Variants in USP31 observed in about 807,000 individuals in gnomAD.
USP31 encodes the protein ubiquitin carboxyl-terminal hydrolase 31.
Under a neutral mutation model 119.4 loss-of-function variants are expected in USP31, and 44 were observed. The observed-to-expected ratio is 0.37, with a 90% CI of 0.29 to 0.47. USP31 has a LOEUF of 0.47. USP31 is among the 20% of genes least tolerant of loss of function. The pLI, the probability that USP31 is intolerant of heterozygous loss-of-function variation, is 0.99. For missense variants in USP31, 1,643 were observed against 1,730.2 expected (o/e 0.95, Z 0.89); for synonymous variants, 749 against 705.6 (o/e 1.06, Z -0.97).
At chr16:23,141,531 C>T (rs1903352071) in intron 1 of USP31, among the ~76,000 whole-genome samples, 1 of 152,096 alleles carries the variant, frequency 6.6e-6, no homozygotes, top group African/African-American at 2.4e-5. Context: ...GTGTGTGCCA[C>T]CACGCCCGGC....
rs751549806 is a variant in USP31, at chr16:23,149,136, C to T, written c.135G>A (p.Gly45=). Residue 45 remains glycine, a synonymous_variant, in exon 1 of 16, where the codon GGG becomes GGA. Coordinates refer to ENST00000219689, the MANE Select transcript of USP31 (RefSeq NM_020718.4). ...GGGAGGPGAS[G]PAAPSSPSSP... is the part of the protein sequence containing the mutation. The stretch of plus-strand genomic sequence containing the variant: ...AGGAGGGCGAGGAAGGCGCGGCCGG[C>T]CCGGACGCCCCGGGGCCCCCCGCGC... 54 of 1,241,492 alleles carry T rather than the reference C, an allele frequency of 4.3e-5. No individual in the cohort carries two copies. The highest frequency in any genetic ancestry group is 5.1e-5 in the Non-Finnish European group (50 of 971,388). 76.9% of individuals were successfully genotyped at this position (1,241,492 alleles called of 1,614,324 possible).
At chr16:23,086,960 T>C (rs2141847952) in intron 9 of USP31, 132 bp downstream of exon 9, 1 of 633,314 alleles carries the variant, frequency 1.6e-6, no homozygotes. Flanking sequence ...AAAAGTAAAA[T>C]AAGTACTTAA....
intron 13 of USP31, 127 bp from the exon 14 acceptor site, chr16:23,074,007 C>A: frequency 1.6e-6 from 2 of 1,256,372 alleles, no homozygotes; most frequent in East Asian, 2.5e-5. Context: ...TATAGCAACA[C>A]AGAAAGAGAT....
chr16:23,101,706 G>T (rs138403146), intron 6 of USP31, among the ~76,000 whole-genome samples: 2 of 152,208 alleles, frequency 1.3e-5, no homozygotes, highest in Non-Finnish European at 2.9e-5. Flanking sequence ...GAGGAACCCT[G>T]AAGAATGCTG....
Position 23,072,368 on chromosome 16 carries a change from C to A in USP31, c.2336-171G>T, listed in dbSNP as rs112771567. The A allele has an allele frequency of 2.4e-3, 2,003 of 843,460 alleles. 31 individuals are homozygous for A. The African/African-American group carries it at 0.027, about 11-fold the overall frequency. The allele number at this position is 843,460 out of a possible 1,614,324, so 52.2% of individuals were successfully genotyped here. Reference sequence around the variant, plus strand: ...TGTCATGTCGTGCCTGTCCGAATATCCCCAGTTAAGATGAAAAGATGTAAG... The same window carrying A: ...TGTCATGTCGTGCCTGTCCGAATATACCCAGTTAAGATGAAAAGATGTAAG... On this transcript the variant is annotated intron_variant, in intron 14 of 15. Transcript: ENST00000219689.
chr16:23,068,446 T>C lies in USP31; in HGVS notation c.3659A>G (p.Lys1220Arg). 6.2e-7 allele frequency: 1 copy of C among 1,613,762 alleles called. No homozygotes were observed. Among genetic ancestry groups the C allele is most frequent in the South Asian group, 1.1e-5 (1 of 91,078 alleles). Residue 1220 changes from lysine (K) to arginine (R), a missense_variant, in exon 16 of 16, where the codon AAG becomes AGG. Transcript: ENST00000219689. Reference protein sequence around the residue: ...SIKSGLKRDSKSEDKGLSFFK... With the variant: ...SIKSGLKRDSRSEDKGLSFFK... Reference sequence around the variant, plus strand: ...GAAGGACAGCCCCTTGTCCTCAGACTTGCTGTCCCTCTTCAAACCAGACTT... The same window carrying C: ...GAAGGACAGCCCCTTGTCCTCAGACCTGCTGTCCCTCTTCAAACCAGACTT...
intron 5 of USP31, among the ~76,000 whole-genome samples, chr16:23,104,173 G>A (rs1045558394): frequency 1.3e-5 from 2 of 152,286 alleles, no homozygotes; most frequent in Admixed American, 1.3e-4. Flanking sequence ...CCCTCTACCA[G>A]CACTAACATT....
At chr16:23,098,502 C>A (rs377064847) in intron 6 of USP31, among the ~76,000 whole-genome samples, 1 of 151,690 alleles carries the variant, frequency 6.6e-6, no homozygotes, top group Non-Finnish European at 1.5e-5. Flanking sequence ...CCAAAAAAGC[C>A]CGCATCACCA....
At chr16:23,112,033 G>A (rs192796761) in intron 1 of USP31, among the ~76,000 whole-genome samples, 16 of 152,244 alleles carry the variant, frequency 1.1e-4, no homozygotes, top group Admixed American at 2.0e-4. Flanking sequence ...AAAAAACAAA[G>A]GGATATCACA....
intron 6 of USP31, among the ~76,000 whole-genome samples, chr16:23,094,224 C>G (rs1249813960): frequency 2.6e-5 from 4 of 152,228 alleles, no homozygotes; most frequent in Admixed American, 2.0e-4. Context: ...GGTCCCATGC[C>G]CACGGAGTCT....
intron 11 of USP31, among the ~76,000 whole-genome samples, chr16:23,084,361 G>A (rs1900997311): frequency 6.6e-6 from 1 of 152,156 alleles, no homozygotes; most frequent in Admixed American, 6.5e-5. Flanking sequence ...TATCTACGCT[G>A]TTCAATATGG....
In USP31 at chr16:23,061,605, A is replaced by T. The variant is rs1899833775; in HGVS notation, c.*6441T>A. The T allele has an allele frequency of 6.5e-6, 1 of 152,678 alleles. No individual in the cohort carries two copies. Among genetic ancestry groups the T allele is most frequent in the Non-Finnish European group, 1.5e-5 (1 of 68,044 alleles). The allele number at this position is 152,678 out of a possible 1,614,324, so 9.5% of individuals were successfully genotyped here. On this transcript the variant is annotated 3_prime_UTR_variant, in exon 16 of 16. Coordinates refer to ENST00000219689, the MANE Select transcript of USP31 (RefSeq NM_020718.4). ...AATAAATAACAGAAATCAGTGACAC[A>T]TCTCATGCACTTGTTCTAAAATAAA... is the stretch of plus-strand genomic sequence containing the variant.
At chr16:23,082,834 T>C (rs1163680901) in intron 11 of USP31, among the ~76,000 whole-genome samples, 1 of 147,592 alleles carries the variant, frequency 6.8e-6, no homozygotes, top group Non-Finnish European at 1.5e-5. Flanking sequence ...TCTCTCTCTT[T>C]TTTTTTTTTT....
At chr16:23,148,188 T>G (rs1903583488) in intron 1 of USP31, among the ~76,000 whole-genome samples, 1 of 152,200 alleles carries the variant, frequency 6.6e-6, no homozygotes, top group Non-Finnish European at 1.5e-5. Flanking sequence ...TTAACTTGTT[T>G]GCAGCTCACA....
intron 1 of USP31, among the ~76,000 whole-genome samples, chr16:23,120,887 A>T (rs1902644221): frequency 6.6e-6 from 1 of 152,214 alleles, no homozygotes. Context: ...ACTACCCCTA[A>T]GCCAAAGATC....
chr16:23,149,109 C>T lies in USP31; in HGVS notation c.162G>A (p.Ser54=), dbSNP rs1903635190. Residue 54 remains serine, a synonymous_variant, in exon 1 of 16, where the codon TCG becomes TCA. Coordinates refer to ENST00000219689, the MANE Select transcript of USP31 (RefSeq NM_020718.4). ...SGPAAPSSPS[S]PSSARSVGSF... The stretch of plus-strand genomic sequence containing the variant: ...TGCCCACCGAGCGTGCAGAGGAGGG[C>T]GAGGAGGGCGAGGAAGGCGCGGCCG... The T allele has an allele frequency of 7.9e-7, 1 of 1,260,204 alleles. No homozygotes were observed. 78.1% of individuals were successfully genotyped at this position (1,260,204 alleles called of 1,614,324 possible).
Position 23,076,205 on chromosome 16 carries a change from C to T in USP31, c.2177-2325G>A, listed in dbSNP as rs144593911. The stretch of plus-strand genomic sequence containing the variant: ...TACCTAGGTGATGGGATGATCTGTG[C>T]GGCAAACCATCATGGCACATGTTTA... On this transcript the variant is annotated intron_variant, in intron 13 of 15. Transcript: ENST00000219689. Among the ~76,000 whole-genome samples, 366 of 151,180 alleles carry T rather than the reference C, an allele frequency of 2.4e-3. 3 individuals are homozygous for T. Among genetic ancestry groups the T allele is most frequent in the African/African-American group, 7.8e-3 (320 of 41,154 alleles).
In USP31 at chr16:23,134,089, TCACACA is replaced by T. The variant is rs10557354; in HGVS notation, c.633+14543_633+14548del. The stretch of plus-strand genomic sequence containing the variant: ...GAGACCCTGTCTCTCTCTCTCTCTC[TCACACA>T]CACACACACACACACACACACACAC... On this transcript the variant is annotated intron_variant, in intron 1 of 15. Coordinates refer to ENST00000219689, the MANE Select transcript of USP31 (RefSeq NM_020718.4). Among the ~76,000 whole-genome samples, 115 of 146,322 alleles carry T rather than the reference TCACACA, an allele frequency of 7.9e-4. 1 individual carries two copies. The highest frequency in any genetic ancestry group is 6.9e-3 in the Middle Eastern group (2 of 290).
At chr16:23,139,620 C>T (rs1903296158) in intron 1 of USP31, among the ~76,000 whole-genome samples, 1 of 152,108 alleles carries the variant, frequency 6.6e-6, no homozygotes. Context: ...TAGTCATGGG[C>T]CTCAGACCTT....
Sources: allele counts gnomAD v4.1 joint callset (sites outside exome capture counted in the v4.1 genomes callset), GRCh38; gene constraint gnomAD v4.1.1; transcripts MANE v1.5; gene names NCBI Gene and HGNC (gene_info 2026-07-23, HGNC 2026-07-21).